The following PCSK2 variants were observed in gnomAD, a reference collection of about 807,000 sequenced individuals.
The protein encoded by PCSK2 is proprotein convertase subtilisin/kexin type 2, also known as neuroendocrine convertase 2.
In PCSK2, 14 loss-of-function variants were observed where a neutral mutation model predicts 69.7. The observed-to-expected ratio is 0.20, with a 90% confidence interval of 0.13 to 0.31. The LOEUF (loss-of-function observed/expected upper bound fraction) is 0.31. Ranked by LOEUF, PCSK2 falls within the 10% of genes least tolerant of loss-of-function variation. The probability of loss-of-function intolerance (pLI) is 1.00; values close to 1 mark genes in which losing one functional copy is unlikely to be tolerated. For missense variants in PCSK2, 544 were observed against 842.5 expected (o/e 0.65, Z 4.39); for synonymous variants, 307 against 320.7 (o/e 0.96, Z 0.46).
intron 2 of PCSK2, among the ~76,000 whole-genome samples, chr20:17,265,072 CG>C (rs1987542930): frequency 3.3e-5 from 5 of 152,104 alleles, no homozygotes; most frequent in Admixed American, 3.3e-4. Flanking sequence ...CCATGTTGGC[CG>C]GGCTGGTCTT....
At chr20:17,444,454 A>G (rs1004140129) in intron 8 of PCSK2, among the ~76,000 whole-genome samples, 1 of 152,234 alleles carries the variant, frequency 6.6e-6, no homozygotes, top group Non-Finnish European at 1.5e-5. Context: ...GGAGTGGGCA[A>G]GAAGGAAATC....
intron 2 of PCSK2, among the ~76,000 whole-genome samples, chr20:17,328,782 G>A (rs1460475010): frequency 1.3e-5 from 2 of 152,198 alleles, no homozygotes; most frequent in Admixed American, 1.3e-4. Context: ...GCTGAGCTGT[G>A]AGTTAAATGA....
At chr20:17,441,853 A>G (rs1600583234) in intron 8 of PCSK2, among the ~76,000 whole-genome samples, 2 of 151,990 alleles carry the variant, frequency 1.3e-5, no homozygotes, top group East Asian at 1.9e-4. Flanking sequence ...TGTGGGTTCA[A>G]TTGTGTCCCC....
chr20:17,306,564 A>C (rs1283794881), intron 2 of PCSK2, among the ~76,000 whole-genome samples: 1 of 152,170 alleles, frequency 6.6e-6, no homozygotes, highest in Admixed American at 6.5e-5. Flanking sequence ...GTGGAGTGCT[A>C]ATGAGAAATG....
intron 5 of PCSK2, among the ~76,000 whole-genome samples, chr20:17,402,713 G>C (rs2031667246): frequency 6.7e-6 from 1 of 148,530 alleles, no homozygotes; most frequent in Non-Finnish European, 1.5e-5. Flanking sequence ...CCAGCACTTT[G>C]GGAGGCCAAG....
intron 2 of PCSK2, among the ~76,000 whole-genome samples, chr20:17,354,303 G>T (rs2030119956): frequency 6.6e-6 from 1 of 152,138 alleles, no homozygotes; most frequent in African/African-American, 2.4e-5. Context: ...ATACAGAAGT[G>T]AACTATACGT....
Position 17,242,482 on chromosome 20 carries a change from C to A in PCSK2, c.177+15000C>A, listed in dbSNP as rs145245751. Among the ~76,000 whole-genome samples, 622 of 152,326 alleles carry A rather than the reference C, an allele frequency of 4.1e-3. 1 individual carries two copies. Among genetic ancestry groups the A allele is most frequent in the African/African-American group, 0.014 (581 of 41,576 alleles). On this transcript the variant is annotated intron_variant, in intron 1 of 11. Transcript: ENST00000262545. ...AAGTTTATGCCCAAGGACAAGCACA[C>A]TTATAGTTCTATAGTTCTATAGTCT...
At chr20:17,382,354 C>T (rs979963631) in intron 5 of PCSK2, among the ~76,000 whole-genome samples, 8 of 152,254 alleles carry the variant, frequency 5.3e-5, no homozygotes, top group South Asian at 2.1e-4. Context: ...CTGTCATAGA[C>T]GGGAAACTGA....
At chr20:17,331,952 A>G (rs1990218334) in intron 2 of PCSK2, among the ~76,000 whole-genome samples, 3 of 152,210 alleles carry the variant, frequency 2.0e-5, no homozygotes, top group Non-Finnish European at 4.4e-5. Context: ...TCTATTATCA[A>G]AACTTTCTCA....
chr20:17,279,188 G>C (rs371239145), intron 2 of PCSK2, among the ~76,000 whole-genome samples: 26 of 152,246 alleles, frequency 1.7e-4, no homozygotes, highest in African/African-American at 6.3e-4. Context: ...TGTCCTTCAT[G>C]AGAGGCGACT....
At chr20:17,409,374 G>C in intron 6 of PCSK2, 35 bp downstream of exon 6, 2 of 1,437,564 alleles carry the variant, frequency 1.4e-6, no homozygotes, top group Non-Finnish European at 9.8e-7. Flanking sequence ...TTTGACTTTA[G>C]GCTTTGGGGT....
intron 7 of PCSK2, 49 bp from the exon 8 acceptor site, chr20:17,436,659 G>T (rs775448413): frequency 6.5e-7 from 1 of 1,542,510 alleles, no homozygotes; most frequent in Non-Finnish European, 8.8e-7. Context: ...CTTGTCTCCT[G>T]CGAACTGGGG....
At chr20:17,433,889 C>T (rs73248120) in intron 7 of PCSK2, among the ~76,000 whole-genome samples, 51,490 of 82,578 alleles carry the variant, frequency 0.62, 17,174 homozygotes, top group South Asian at 0.71. Context: ...CTCCTCCTCC[C>T]CCCCCCTTCC....
At chr20:17,307,199 A>C (rs73251713) in intron 2 of PCSK2, among the ~76,000 whole-genome samples, 22,504 of 152,212 alleles carry the variant, frequency 0.15, 1,881 homozygotes, top group Middle Eastern at 0.2. Flanking sequence ...GAAGTTGAAT[A>C]AGGAATAGTC....
chr20:17,289,264 T>C (rs1419797546), intron 2 of PCSK2, among the ~76,000 whole-genome samples: 2 of 152,200 alleles, frequency 1.3e-5, no homozygotes, highest in Non-Finnish European at 2.9e-5. Flanking sequence ...AAGTCAGATT[T>C]GTGTACCTAA....
chr20:17,321,524 G>T (rs1483885216), intron 2 of PCSK2, among the ~76,000 whole-genome samples: 1 of 152,102 alleles, frequency 6.6e-6, no homozygotes, highest in Non-Finnish European at 1.5e-5. Flanking sequence ...TTCCATTTTG[G>T]GGAAAGACAG....
rs1483166449 is a variant in PCSK2 at position 17,385,676 on chromosome 20, A to G, written c.543+16399A>G. ...TTCCTCCAAAAGCTGACTGTGAGAC[A>G]TGGATCCACAAACCAGCATTTTATT... On this transcript the variant is annotated intron_variant, in intron 5 of 11. Coordinates refer to ENST00000262545, the MANE Select transcript of PCSK2 (RefSeq NM_002594.5). 2.0e-5 allele frequency among the ~76,000 whole-genome samples: 3 copies of G among 152,170 alleles called. No individual in the cohort carries two copies. In the East Asian group the frequency reaches 5.8e-4, roughly 29 times the overall value.
intron 11 of PCSK2, among the ~76,000 whole-genome samples, chr20:17,480,188 T>TC (rs892203468): frequency 1.7e-4 from 17 of 100,362 alleles, no homozygotes; most frequent in South Asian, 3.5e-4. Context: ...GCTTTTCTTT[T>TC]TTTTTTTTTT....
At chr20:17,446,753 C>T (rs561636435) in intron 8 of PCSK2, among the ~76,000 whole-genome samples, 1 of 152,290 alleles carries the variant, frequency 6.6e-6, no homozygotes, top group Admixed American at 6.5e-5. Flanking sequence ...TAAATCAATA[C>T]ATTGTTTCAT....
Sources: gnomAD v4.1 joint callset for allele counts (sites outside exome capture counted in the v4.1 genomes callset) on GRCh38, gnomAD v4.1.1 for gene constraint, MANE v1.5 for transcripts, NCBI Gene and HGNC (gene_info 2026-07-23, HGNC 2026-07-21) for gene names.